Variants in TANGO6 observed in about 807,000 individuals in gnomAD.
TANGO6 encodes the protein transport and Golgi organization protein 6 homolog.
Under a neutral mutation model 114.2 loss-of-function variants are expected in TANGO6, and 90 were observed. That is an observed-to-expected ratio of 0.79 (90% CI 0.66 to 0.94). The LOEUF (loss-of-function observed/expected upper bound fraction) is 0.94. Ranked by LOEUF, TANGO6 falls within the 40% of genes least tolerant of loss-of-function variation. The pLI is 0.00. For synonymous variants in TANGO6, 477 were observed against 509.8 expected (o/e 0.94, Z 0.87); for missense variants, 1,274 against 1,315.3 (o/e 0.97, Z 0.49).
intron 3 of TANGO6, among the ~76,000 whole-genome samples, chr16:68,863,687 AAAATTTGCTGTTTGAC>A (rs1402006708): frequency 3.3e-5 from 5 of 152,228 alleles, no homozygotes; most frequent in Admixed American, 1.3e-4. Flanking sequence ...TTTTTTAACT[AAAATTTGCTGTTTGAC>A]AAAACATTCT....
chr16:68,919,587 G>T (rs1963060732), intron 12 of TANGO6, among the ~76,000 whole-genome samples: 1 of 152,124 alleles, frequency 6.6e-6, no homozygotes, highest in African/African-American at 2.4e-5. Context: ...GTCCTCAACT[G>T]GTTGCATAGG....
intron 17 of TANGO6, among the ~76,000 whole-genome samples, chr16:69,044,622 A>C (rs1959822407): frequency 6.6e-6 from 1 of 152,056 alleles, no homozygotes; most frequent in South Asian, 2.1e-4. Flanking sequence ...CACAGAAGAG[A>C]GGCAATTTGG....
In TANGO6 at chr16:68,864,721, T is replaced by C. The variant is rs544863677; in HGVS notation, c.852+1660T>C. Among the ~76,000 whole-genome samples, 18 of 152,344 alleles carry C rather than the reference T, an allele frequency of 1.2e-4. No individual in the cohort carries two copies. In the East Asian group the frequency reaches 3.5e-3, roughly 29 times the overall value. On this transcript the variant is annotated intron_variant, in intron 3 of 17. Coordinates refer to ENST00000261778, the MANE Select transcript of TANGO6 (RefSeq NM_024562.2). ...CATCCTTAGAATCTTACTGTAAGCC[T>C]TCCATCAGGCCTCTCTGGCATTCAA...
intron 17 of TANGO6, among the ~76,000 whole-genome samples, chr16:69,067,880 T>C (rs1960242024): frequency 6.9e-6 from 1 of 144,470 alleles, no homozygotes; most frequent in African/African-American, 2.6e-5. Flanking sequence ...GAGGTTGTGG[T>C]GAGCCAAGAT....
chr16:68,953,300 C>G (rs1963493038), intron 14 of TANGO6, among the ~76,000 whole-genome samples: 1 of 152,050 alleles, frequency 6.6e-6, no homozygotes, highest in Non-Finnish European at 1.5e-5. Flanking sequence ...CCAGGCTGAT[C>G]TCGAATTCCT....
intron 7 of TANGO6, among the ~76,000 whole-genome samples, chr16:68,897,026 C>G (rs1962715015): frequency 6.6e-6 from 1 of 152,030 alleles, no homozygotes; most frequent in African/African-American, 2.4e-5. Flanking sequence ...GCCTCAGCCT[C>G]CCGAGCAGCC....
chr16:69,075,531 G>A (rs1960361296), intron 17 of TANGO6, among the ~76,000 whole-genome samples: 1 of 149,934 alleles, frequency 6.7e-6, no homozygotes, highest in Non-Finnish European at 1.5e-5. Context: ...ATGGCCCACT[G>A]CAGCCTCAGC....
chr16:69,041,234 GT>G (rs1959769316), intron 17 of TANGO6, among the ~76,000 whole-genome samples: 1 of 151,990 alleles, frequency 6.6e-6, no homozygotes, highest in South Asian at 2.1e-4. Flanking sequence ...ATCACCTGAG[GT>G]CAGGAGTTCG....
At chr16:68,997,385 G>T (rs1964001475) in intron 15 of TANGO6, among the ~76,000 whole-genome samples, 2 of 152,206 alleles carry the variant, frequency 1.3e-5, no homozygotes. Context: ...GATTATTCAT[G>T]AGTTTTCCAG....
chr16:69,063,220 C>T (rs1245360939), intron 17 of TANGO6, among the ~76,000 whole-genome samples: 2 of 86,924 alleles, frequency 2.3e-5, no homozygotes, highest in Admixed American at 1.4e-4. Context: ...CAGACTTCGT[C>T]TGAAAAAAAA....
chr16:68,998,168 G>A (rs1964010023), intron 15 of TANGO6, among the ~76,000 whole-genome samples: 1 of 152,108 alleles, frequency 6.6e-6, no homozygotes, highest in South Asian at 2.1e-4. Flanking sequence ...TCATGAACTG[G>A]GCAGTTGTAA....
intron 17 of TANGO6, among the ~76,000 whole-genome samples, chr16:69,043,283 AGTGTGTGTGTGTGTGTGTGTGTGT>A (rs57443398): frequency 1.4e-5 from 2 of 146,642 alleles, no homozygotes; most frequent in South Asian, 2.2e-4. Flanking sequence ...AGACAGAGCG[AGTGTGTGTGTGTGTGTGTGTGTGT>A]GTGTGTGTGT....
At chr16:68,877,416 CGAG>C (rs1233749858) in intron 5 of TANGO6, among the ~76,000 whole-genome samples, 1 of 146,350 alleles carries the variant, frequency 6.8e-6, no homozygotes, top group African/African-American at 2.5e-5. Flanking sequence ...TGCAGTGAGC[CGAG>C]ATTGCACCAC....
At chr16:68,862,224 A>G (rs527309625) in intron 2 of TANGO6, among the ~76,000 whole-genome samples, 1 of 151,260 alleles carries the variant, frequency 6.6e-6, no homozygotes, top group East Asian at 1.9e-4. Flanking sequence ...TTATGTATTT[A>G]TTATTTTTGA....
In TANGO6 at chr16:69,004,596, C is replaced by T. The variant is rs528242823; in HGVS notation, c.2843-18232C>T. Among the ~76,000 whole-genome samples the T allele has an allele frequency of 1.4e-4, 22 of 152,082 alleles. No individual in the cohort carries two copies. The South Asian group carries it at 2.7e-3, about 19-fold the overall frequency. On this transcript the variant is annotated intron_variant, in intron 15 of 17. Coordinates refer to ENST00000261778, the MANE Select transcript of TANGO6 (RefSeq NM_024562.2). ...GTCTCAAACTCCTGACCTTGTGATC[C>T]GCCCGCCTCAACCTCCCTAAGTGCT...
chr16:69,028,629 T>G (rs1226620810), intron 16 of TANGO6, among the ~76,000 whole-genome samples: 1 of 151,594 alleles, frequency 6.6e-6, no homozygotes, highest in Non-Finnish European at 1.5e-5. Context: ...CGAGACTTTG[T>G]CTCAAAAAAA....
intron 15 of TANGO6, among the ~76,000 whole-genome samples, chr16:68,990,383 G>A (rs761951003): frequency 4.2e-4 from 64 of 152,170 alleles, no homozygotes; most frequent in Admixed American, 4.1e-3. Context: ...TGAGAACCAA[G>A]CGACAGGGGT....
At chr16:69,040,775 T>A (rs1230923647) in intron 17 of TANGO6, among the ~76,000 whole-genome samples, 2 of 152,142 alleles carry the variant, frequency 1.3e-5, no homozygotes, top group Non-Finnish European at 2.9e-5. Context: ...TCTGACTCAT[T>A]TGATTGTTCA....
At chr16:68,862,163 G>A (rs865857627) in intron 2 of TANGO6, among the ~76,000 whole-genome samples, 4 of 151,830 alleles carry the variant, frequency 2.6e-5, no homozygotes, top group South Asian at 2.1e-4. Flanking sequence ...TCAGCCTCCC[G>A]AGTAGCTGGG....
Sources: gnomAD v4.1 joint callset for allele counts (sites outside exome capture counted in the v4.1 genomes callset) on GRCh38, gnomAD v4.1.1 for gene constraint, MANE v1.5 for transcripts, NCBI Gene and HGNC (gene_info 2026-07-23, HGNC 2026-07-21) for gene names.